The following RASSF3 variants were observed in gnomAD, a reference collection of about 807,000 sequenced individuals.
RASSF3 encodes Ras association domain family member 3.
Under a neutral mutation model 19.9 loss-of-function variants are expected in RASSF3, and 19 were observed. That is an observed-to-expected ratio of 0.96 (90% CI 0.67 to 1.40). The LOEUF (loss-of-function observed/expected upper bound fraction) is 1.40, where lower values mean the gene tolerates loss of function less well. Among genes scored for constraint, RASSF3 ranks in the 40% most tolerant of loss-of-function variants. The probability of loss-of-function intolerance (pLI) is 0.00; values close to 1 mark genes in which losing one functional copy is unlikely to be tolerated. For synonymous variants in RASSF3, 110 were observed against 104.2 expected (o/e 1.06, Z -0.34); for missense variants, 306 against 289.8 (o/e 1.06, Z -0.41).
intron 1 of RASSF3, among the ~76,000 whole-genome samples, chr12:64,677,818 A>G (rs757929774): frequency 5.9e-5 from 9 of 152,192 alleles, no homozygotes. Context: ...GACTTCTGAG[A>G]ACAGTATTTT....
intron 2 of RASSF3, among the ~76,000 whole-genome samples, chr12:64,572,387 A>G (rs904310372): frequency 6.6e-6 from 1 of 152,132 alleles, no homozygotes; most frequent in African/African-American, 2.4e-5. Context: ...ACACAGTGAG[A>G]AGGTAGCCTT....
chr12:64,671,819 A>G (rs952345836), intron 1 of RASSF3, among the ~76,000 whole-genome samples: 1 of 152,180 alleles, frequency 6.6e-6, no homozygotes, highest in Non-Finnish European at 1.5e-5. Context: ...ATCTTTCTTC[A>G]TTCTTCATTA....
At chr12:64,578,897 C>A (rs1294034378) in intron 2 of RASSF3, among the ~76,000 whole-genome samples, 2 of 152,166 alleles carry the variant, frequency 1.3e-5, no homozygotes, top group Non-Finnish European at 2.9e-5. Context: ...GTAATCCCAG[C>A]ACTTTAGGAA....
chr12:64,620,871 GA>G (rs879873608), intron 1 of RASSF3, among the ~76,000 whole-genome samples: 18 of 151,610 alleles, frequency 1.2e-4, no homozygotes, highest in Non-Finnish European at 2.1e-4. Context: ...TTAAAATAGA[GA>G]AAAAAAACTT....
At chr12:64,692,316 C>T (rs975315193) in intron 4 of RASSF3, among the ~76,000 whole-genome samples, 1 of 152,138 alleles carries the variant, frequency 6.6e-6, no homozygotes, top group Non-Finnish European at 1.5e-5. Context: ...AGTTAGGAAA[C>T]GGCTCTGTTT....
chr12:64,527,716 C>T (rs1480917619), intron 1 of RASSF3, among the ~76,000 whole-genome samples: 3 of 152,076 alleles, frequency 2.0e-5, no homozygotes, highest in African/African-American at 7.2e-5. Flanking sequence ...GGGCAGATCA[C>T]TTGAAGCCAG....
intron 1 of RASSF3, among the ~76,000 whole-genome samples, chr12:64,624,804 G>A (rs911544514): frequency 9.9e-5 from 15 of 151,492 alleles, no homozygotes; most frequent in African/African-American, 1.7e-4. Flanking sequence ...AACTACAGGC[G>A]CCTACCACCA....
intron 1 of RASSF3, among the ~76,000 whole-genome samples, chr12:64,631,909 A>G (rs1275995912): frequency 6.6e-6 from 1 of 152,050 alleles, no homozygotes. Flanking sequence ...GAGGACTTCA[A>G]TGGAAAGAAG....
chr12:64,592,144 G>T (rs557667813), intron 2 of RASSF3, among the ~76,000 whole-genome samples: 1 of 152,110 alleles, frequency 6.6e-6, no homozygotes, highest in East Asian at 1.9e-4. Context: ...CAAGTGATTT[G>T]CCCACCTTAG....
chr12:64,619,171 A>T (rs117458648), intron 1 of RASSF3, among the ~76,000 whole-genome samples: 2,405 of 152,140 alleles, frequency 0.016, 33 homozygotes, highest in Non-Finnish European at 0.025. Context: ...GTGGCTGCAG[A>T]TGGATGGATG....
chr12:64,575,028 A>G (rs1869573458), intron 2 of RASSF3, among the ~76,000 whole-genome samples: 2 of 152,218 alleles, frequency 1.3e-5, no homozygotes, highest in African/African-American at 4.8e-5. Context: ...TACCACTTCT[A>G]TTTGACCTTG....
chr12:64,566,509 C>A (rs1487634492), intron 2 of RASSF3, among the ~76,000 whole-genome samples: 1 of 152,058 alleles, frequency 6.6e-6, no homozygotes, highest in Non-Finnish European at 1.5e-5. Flanking sequence ...CTGAAAAGGT[C>A]CTGAAAGGAG....
intron 1 of RASSF3, among the ~76,000 whole-genome samples, chr12:64,652,401 T>C (rs984728978): frequency 2.0e-5 from 3 of 151,850 alleles, no homozygotes; most frequent in East Asian, 1.9e-4. Flanking sequence ...GGTGTTTTTT[T>C]CTCCCCCTCC....
chr12:64,538,480 T>C (rs1303623056), intron 1 of RASSF3, among the ~76,000 whole-genome samples: 1 of 152,208 alleles, frequency 6.6e-6, no homozygotes, highest in Non-Finnish European at 1.5e-5. Context: ...CACTAGTTTT[T>C]AGGCATCTTT....
chr12:64,662,065 G>C (rs1315126679), intron 1 of RASSF3, among the ~76,000 whole-genome samples: 2 of 151,760 alleles, frequency 1.3e-5, no homozygotes, highest in African/African-American at 4.8e-5. Flanking sequence ...CAAAAATGGA[G>C]AGAGAGAGAA....
At chr12:64,564,581 C>T (rs974110925) in intron 2 of RASSF3, among the ~76,000 whole-genome samples, 1 of 151,946 alleles carries the variant, frequency 6.6e-6, no homozygotes, top group Non-Finnish European at 1.5e-5. Context: ...GGGGTTTCTC[C>T]ATGTTGGTCA....
Position 64,517,621 on chromosome 12 carries a change from C to CT in RASSF3, c.169+10307dup, listed in dbSNP as rs58706283. Among the ~76,000 whole-genome samples, 602 of 143,994 alleles carry CT rather than the reference C, an allele frequency of 4.2e-3. 4 individuals carry two copies. The highest frequency in any genetic ancestry group is 0.014 in the African/African-American group (552 of 39,050). The allele number at this position is 143,994 out of a possible 152,430, so 94.5% of individuals were successfully genotyped here. ...CTGTACATACATATATACACACACA[C>CT]TTTTTTTTTTTTTTTGACACAGGGT... On this transcript the variant is annotated intron_variant, in intron 1 of 5. Coordinates refer to the RASSF3 transcript ENST00000637125.
chr12:64,567,265 C>A (rs1395642046), intron 2 of RASSF3, among the ~76,000 whole-genome samples: 1 of 152,058 alleles, frequency 6.6e-6, no homozygotes, highest in Non-Finnish European at 1.5e-5. Flanking sequence ...CAGTCACAGT[C>A]ACAGCAGCAA....
intron 1 of RASSF3, among the ~76,000 whole-genome samples, chr12:64,666,236 T>G (rs1309347510): frequency 6.6e-6 from 1 of 152,206 alleles, no homozygotes; most frequent in Non-Finnish European, 1.5e-5. Flanking sequence ...ATAAGGTGGT[T>G]AGGTGTAGAA....
Sources: gnomAD v4.1 joint callset for allele counts (sites outside exome capture counted in the v4.1 genomes callset) on GRCh38, gnomAD v4.1.1 for gene constraint, MANE v1.5 for transcripts, NCBI Gene and HGNC (gene_info 2026-07-23, HGNC 2026-07-21) for gene names.